Variants in ADCY9 observed in about 807,000 individuals in gnomAD.
The protein encoded by ADCY9 is adenylate cyclase type 9.
Under a neutral mutation model 101.5 loss-of-function variants are expected in ADCY9, and 50 were observed. The observed-to-expected ratio is 0.49, with a 90% CI of 0.39 to 0.62. The LOEUF (loss-of-function observed/expected upper bound fraction) is 0.62. ADCY9 is among the 20% of genes least tolerant of loss of function. The pLI is 0.00. For synonymous variants in ADCY9, 905 were observed against 769.3 expected (o/e 1.18, Z -2.92); for missense variants, 1,662 against 1,800.4 (o/e 0.92, Z 1.39).
chr16:4,047,221 C>T (rs917522), intron 2 of ADCY9, among the ~76,000 whole-genome samples: 129,844 of 152,076 alleles, frequency 0.85, 55,756 homozygotes, highest in East Asian at 0.95. Context: ...AATTCTATGA[C>T]AGCATGGAGC....
chr16:4,009,269 TTTTGTTTTG>T (rs2056387597), intron 2 of ADCY9, among the ~76,000 whole-genome samples: 2 of 151,912 alleles, frequency 1.3e-5, no homozygotes, highest in Admixed American at 1.3e-4. Flanking sequence ...TTTTGTTTTG[TTTTGTTTTG>T]TTTTTCCTTT....
Position 3,983,232 on chromosome 16 carries a change from C to G in ADCY9, c.2519G>C (p.Arg840Thr), listed in dbSNP as rs2056159965. 3.2e-6 allele frequency: 5 copies of G among 1,549,408 alleles called. No homozygotes were observed. The highest frequency in any genetic ancestry group is 4.4e-6 in the Non-Finnish European group (5 of 1,146,466). The change falls in exon 7 of 11, where the codon AGG becomes ACG. Residue 840 changes from arginine to threonine, a missense_variant and splice_region_variant. By Grantham distance (71) the Arg-to-Thr change is moderately conservative. This residue lies in a region of ADCY9 where 624 missense variants were observed against 639.1 expected (regional missense o/e 0.98). Coordinates refer to ENST00000294016, the MANE Select transcript of ADCY9 (RefSeq NM_001116.4). ...GAGACCCAGTCCACGCGGCGCTTAC[C>G]TGATGGACACCGCGAGGGACAGCAC... ...LEVLSLAVSI[R>T]MVFFLEDVMA...
intron 8 of ADCY9, 37 bp from the exon 9 acceptor site, chr16:3,977,667 C>A (rs368437489): frequency 7.6e-6 from 12 of 1,585,724 alleles, no homozygotes; most frequent in Non-Finnish European, 1.0e-5. Flanking sequence ...CCGCCCAGGG[C>A]CACCCCGCCA....
chr16:4,045,207 G>T (rs2056654306), intron 2 of ADCY9, among the ~76,000 whole-genome samples: 2 of 151,962 alleles, frequency 1.3e-5, no homozygotes, highest in African/African-American at 4.8e-5. Flanking sequence ...ATATTTGAGG[G>T]GAAGCTGAGG....
intron 2 of ADCY9, among the ~76,000 whole-genome samples, chr16:4,090,035 C>G (rs1426202154): frequency 6.6e-6 from 1 of 152,088 alleles, no homozygotes; most frequent in Non-Finnish European, 1.5e-5. Flanking sequence ...GCAGGCATCC[C>G]CGGCAGCCAC....
intron 10 of ADCY9, among the ~76,000 whole-genome samples, chr16:3,968,759 G>C (rs1733881602): frequency 6.6e-6 from 1 of 152,166 alleles, no homozygotes; most frequent in Non-Finnish European, 1.5e-5. Context: ...GTATGGAAGT[G>C]CTGAGTCATT....
At chr16:4,102,455 C>A (rs746752852) in intron 2 of ADCY9, among the ~76,000 whole-genome samples, 1 of 152,152 alleles carries the variant, frequency 6.6e-6, no homozygotes, top group African/African-American at 2.4e-5. Context: ...GATGGAGTTT[C>A]GCTCTTGTTG....
intron 2 of ADCY9, among the ~76,000 whole-genome samples, chr16:4,038,594 G>A (rs966837238): frequency 6.6e-6 from 1 of 152,126 alleles, no homozygotes; most frequent in Non-Finnish European, 1.5e-5. Flanking sequence ...AAAACGGACT[G>A]AGATACCGTG....
chr16:4,098,688 A>G (rs450054), intron 2 of ADCY9, among the ~76,000 whole-genome samples: 39,052 of 152,042 alleles, frequency 0.26, 5,582 homozygotes, highest in Non-Finnish European at 0.32. Context: ...GTGGAAACAG[A>G]TTATAAACAA....
rs747260152 is a variant in ADCY9, at chr16:3,979,184, T to G, written c.2611A>C (p.Ile871Leu). 8 of 1,614,106 alleles carry G rather than the reference T, an allele frequency of 5.0e-6. No individual in the cohort carries two copies. The East Asian group carries it at 1.8e-4, about 36-fold the overall frequency. The change falls in exon 8 of 11, where the codon ATC (isoleucine) becomes CTC (leucine). Residue 871 changes from isoleucine (I) to leucine (L), a missense_variant. Around this residue, in one of 5 missense-constraint regions of ADCY9, gnomAD observed 624 missense variants for 639.1 expected, o/e 0.98. Coordinates refer to ENST00000294016, the MANE Select transcript of ADCY9 (RefSeq NM_001116.4). The part of the protein sequence containing the change: ...GWLPRHCIGA[I>L]LVSLPALAVY... ...GCCAGTGCGGGAAGCGACACCAGGA[T>G]GGCCCCGATGCAGTGACGTGGTAGC...
At chr16:4,050,575 G>C (rs544078311) in intron 2 of ADCY9, among the ~76,000 whole-genome samples, 1 of 151,852 alleles carries the variant, frequency 6.6e-6, no homozygotes, top group African/African-American at 2.4e-5. Flanking sequence ...TTAGCCGGAC[G>C]TGGTGGCGCA....
intron 2 of ADCY9, among the ~76,000 whole-genome samples, chr16:4,042,081 T>G (rs182865653): frequency 0.033 from 4,982 of 151,934 alleles, 285 homozygotes; most frequent in African/African-American, 0.11. Flanking sequence ...CCGCCACCAC[T>G]CCTGGCTAAT....
intron 2 of ADCY9, among the ~76,000 whole-genome samples, chr16:4,056,857 G>T (rs1264960408): frequency 1.3e-5 from 2 of 152,112 alleles, no homozygotes; most frequent in African/African-American, 4.8e-5. Flanking sequence ...CCACACCCAG[G>T]TTGCCTGTTC....
At chr16:4,096,768 C>T (rs1381358719) in intron 2 of ADCY9, among the ~76,000 whole-genome samples, 1 of 152,178 alleles carries the variant, frequency 6.6e-6, no homozygotes, top group Admixed American at 6.5e-5. Flanking sequence ...AAATAAATCA[C>T]ACGCATGTGG....
chr16:4,050,622 G>A (rs1734012277), intron 2 of ADCY9, among the ~76,000 whole-genome samples: 1 of 143,768 alleles, frequency 7.0e-6, no homozygotes, highest in Non-Finnish European at 1.5e-5. Context: ...GCTGAGGCAG[G>A]AGAACTGCTT....
chr16:4,040,376 G>A (rs1039804879), intron 2 of ADCY9, among the ~76,000 whole-genome samples: 8 of 151,920 alleles, frequency 5.3e-5, no homozygotes, highest in Admixed American at 2.0e-4. Context: ...ACTTGGTGAG[G>A]TGGCCAAGCA....
At chr16:4,007,269 G>T in intron 3 of ADCY9, 99 bp downstream of exon 3, 1 of 1,037,812 alleles carries the variant, frequency 9.6e-7, no homozygotes, top group Non-Finnish European at 1.3e-6. Flanking sequence ...ATTCCAAGTT[G>T]TTTGCCTCAG....
intron 3 of ADCY9, among the ~76,000 whole-genome samples, chr16:4,007,077 A>G (rs559969590): frequency 5.6e-4 from 86 of 152,344 alleles, no homozygotes; most frequent in African/African-American, 2.0e-3. Context: ...GCTTCTAGAA[A>G]TCCCAAAAGG....
intron 2 of ADCY9, 36 bp downstream of exon 2, chr16:4,113,714 G>C (rs200770898): frequency 6.3e-6 from 10 of 1,586,836 alleles, no homozygotes; most frequent in Non-Finnish European, 7.7e-6. Context: ...ATCAGGATCA[G>C]GGAGGGGGGA....
Sources: gnomAD v4.1 joint callset for allele counts (sites outside exome capture counted in the v4.1 genomes callset) on GRCh38, gnomAD v4.1.1 for gene constraint, gnomAD v4.1.1 regional missense constraint, MANE v1.5 for transcripts, NCBI Gene and HGNC (gene_info 2026-07-23, HGNC 2026-07-21) for gene names.